Variants in ZNF787 observed in about 807,000 individuals in gnomAD.
ZNF787 encodes the protein zinc finger protein 787.
ZNF787 carries 7 observed loss-of-function variants against 16.9 expected under a neutral mutation model. The observed-to-expected ratio is 0.42, with a 90% confidence interval of 0.24 to 0.78. ZNF787 has a LOEUF of 0.78. ZNF787 is among the 30% of genes least tolerant of loss of function. The pLI, the probability that ZNF787 is intolerant of heterozygous loss-of-function variation, is 0.30. For missense variants in ZNF787, 551 were observed against 589.3 expected, an observed-to-expected ratio of 0.94 and a Z score of 0.67; for synonymous variants, 345 against 270.9, an observed-to-expected ratio of 1.27 and a Z score of -2.69.
chr19:56,102,010 T>C (rs895845824), intron 2 of ZNF787: 1 of 152,334 alleles, frequency 6.6e-6, no homozygotes, highest in African/African-American at 2.4e-5. Flanking sequence ...TCATAGTTTC[T>C]ACCCCGGGAC....
chr19:56,103,058 T>G (rs764525666), intron 2 of ZNF787, 81 bp downstream of exon 2: 216 of 1,496,660 alleles, frequency 1.4e-4, no homozygotes, highest in Non-Finnish European at 1.9e-4. Flanking sequence ...GGAAGGGGGG[T>G]TTCCTCCCAC....
chr19:56,097,476 C>T (rs760706003), intron 2 of ZNF787, among the ~76,000 whole-genome samples: 14 of 152,236 alleles, frequency 9.2e-5, no homozygotes, highest in Non-Finnish European at 1.9e-4. Flanking sequence ...CCACAGGCCA[C>T]GCCTCGCGTC....
In ZNF787 at chr19:56,087,780, C is replaced by G. The variant is rs370791165; in HGVS notation, c.*243G>C. ...TCCATTGTCTCTCCGGCTCGCAGGC[C>G]GATAACTTAGGAAGGGCGGGCCAGG... is the stretch of plus-strand genomic sequence containing the variant. On this transcript the variant is annotated 3_prime_UTR_variant, in exon 3 of 3. Transcript: ENST00000610935. 27 of 541,282 alleles carry G rather than the reference C, an allele frequency of 5.0e-5. No homozygotes were observed. In the South Asian group the frequency reaches 6.4e-4, roughly 13 times the overall value. The allele number at this position is 541,282 out of a possible 1,614,324, so 33.5% of individuals were successfully genotyped here.
chr19:56,101,438 CG>C (rs1362697629), intron 2 of ZNF787, among the ~76,000 whole-genome samples: 2 of 152,218 alleles, frequency 1.3e-5, no homozygotes, highest in Non-Finnish European at 2.9e-5. Context: ...GGCAGGGCAG[CG>C]GGCTGGACAA....
chr19:56,103,090 G>T, intron 2 of ZNF787, 49 bp downstream of exon 2: 1 of 1,593,976 alleles, frequency 6.3e-7, no homozygotes, highest in South Asian at 1.1e-5. Context: ...GGAAGCCAGG[G>T]TCAGGTGGGA....
intron 2 of ZNF787, 153 bp downstream of exon 2, chr19:56,102,986 G>T (rs1482259388): frequency 1.3e-6 from 1 of 775,962 alleles, no homozygotes; most frequent in Non-Finnish European, 2.2e-6. Flanking sequence ...AGGAGTGCAA[G>T]GCCCAGGGCG....
chr19:56,099,302 G>A (rs929053639), intron 2 of ZNF787, among the ~76,000 whole-genome samples: 5 of 152,326 alleles, frequency 3.3e-5, no homozygotes, highest in African/African-American at 1.2e-4. Context: ...GAGCGACCTG[G>A]TGCCCCAGGG....
chr19:56,095,884 C>T (rs1985849293), intron 2 of ZNF787, among the ~76,000 whole-genome samples: 1 of 152,188 alleles, frequency 6.6e-6, no homozygotes, highest in Non-Finnish European at 1.5e-5. Context: ...TCCTCTGCTT[C>T]CCTCCTCCCA....
At chr19:56,111,576 C>T (rs2029980533) in intron 1 of ZNF787, among the ~76,000 whole-genome samples, 1 of 151,714 alleles carries the variant, frequency 6.6e-6, no homozygotes. Flanking sequence ...CCAGAGGGGC[C>T]GGGGGCAGCA....
At chr19:56,091,650 T>G (rs1271606989) in intron 2 of ZNF787, among the ~76,000 whole-genome samples, 3 of 152,234 alleles carry the variant, frequency 2.0e-5, no homozygotes, top group South Asian at 2.1e-4. Flanking sequence ...CCGTAGGCGA[T>G]CTGGCTTCTC....
At chr19:56,093,748 A>C (rs1382861636) in intron 2 of ZNF787, among the ~76,000 whole-genome samples, 1 of 152,212 alleles carries the variant, frequency 6.6e-6, no homozygotes, top group African/African-American at 2.4e-5. Context: ...TAAAGTGCTA[A>C]GTCCGAGCAT....
In ZNF787 at chr19:56,115,085, G is replaced by A. The variant is rs1568536221; in HGVS notation, c.-11+6087C>T. 4.6e-5 allele frequency among the ~76,000 whole-genome samples: 7 copies of A among 152,088 alleles called. No individual in the cohort carries two copies. The South Asian group carries it at 1.0e-3, about 23-fold the overall frequency. ...ATGGGGCCCTCATTTCCTCAGCCCC[G>A]GGACATCTCTGTGACACCACGGAGA... On this transcript the variant is annotated intron_variant, in intron 1 of 2. Transcript: ENST00000610935.
At chr19:56,110,214 G>C (rs931631681) in intron 1 of ZNF787, among the ~76,000 whole-genome samples, 1 of 152,008 alleles carries the variant, frequency 6.6e-6, no homozygotes, top group African/African-American at 2.4e-5. Flanking sequence ...ACAAAACTTA[G>C]CCAGGCATGG....
intron 2 of ZNF787, among the ~76,000 whole-genome samples, chr19:56,098,141 C>T (rs376961476): frequency 7.9e-5 from 12 of 152,242 alleles, no homozygotes; most frequent in Non-Finnish European, 1.5e-4. Flanking sequence ...GTTCCTGGCA[C>T]GCTGCTCTCC....
At chr19:56,091,100 A>G (rs943676733) in intron 2 of ZNF787, among the ~76,000 whole-genome samples, 1 of 152,228 alleles carries the variant, frequency 6.6e-6, no homozygotes, top group Non-Finnish European at 1.5e-5. Context: ...TGTAAGTTAT[A>G]AGCACATTAC....
chr19:56,104,489 G>A (rs1986225609), intron 1 of ZNF787, among the ~76,000 whole-genome samples: 1 of 149,422 alleles, frequency 6.7e-6, no homozygotes, highest in Middle Eastern at 3.6e-3. Context: ...CCCTACGCAC[G>A]CCGACCCGTG....
Position 56,087,995 on chromosome 19 carries a change from T to TTGGGGGGGG in ZNF787, c.*27_*28insCCCCCCCCA. 1 of 1,106,476 alleles carries TTGGGGGGGG rather than the reference T, an allele frequency of 9.0e-7. No individual in the cohort carries two copies. Among genetic ancestry groups the TTGGGGGGGG allele is most frequent in the East Asian group, 5.4e-5 (1 of 18,362 alleles). The allele number at this position is 1,106,476 out of a possible 1,614,324, so 68.5% of individuals were successfully genotyped here. A position where few individuals can be genotyped will look rare whatever the true frequency, so the allele number is the denominator to read the frequency against. The stretch of plus-strand genomic sequence containing the variant: ...CGCTCCCGCCAAGCCCGAGGGGCCC[T>TTGGGGGGGG]GCCCGCCCCCCCCCCCGGGCCCCTC... On this transcript the variant is annotated 3_prime_UTR_variant, in exon 3 of 3. Coordinates refer to ENST00000610935, the MANE Select transcript of ZNF787 (RefSeq NM_001002836.4).
At chr19:56,109,565 CCTT>C in intron 1 of ZNF787, among the ~76,000 whole-genome samples, 2 of 152,342 alleles carry the variant, frequency 1.3e-5, no homozygotes, top group East Asian at 3.9e-4. Flanking sequence ...CTTCAGGAGG[CCTT>C]CACTTTCTGA....
intron 2 of ZNF787, among the ~76,000 whole-genome samples, chr19:56,093,487 C>T (rs1371325335): frequency 6.6e-6 from 1 of 152,156 alleles, no homozygotes; most frequent in Non-Finnish European, 1.5e-5. Context: ...TCAGTGTTTT[C>T]TCGGCTGCAT....
Sources: gnomAD v4.1 joint callset for allele counts (sites outside exome capture counted in the v4.1 genomes callset) on GRCh38, gnomAD v4.1.1 for gene constraint, MANE v1.5 for transcripts, NCBI Gene and HGNC (gene_info 2026-07-23, HGNC 2026-07-21) for gene names.